FYB2: variants seen among roughly 807,000 people sequenced by gnomAD.
The protein encoded by FYB2 is FYN binding protein 2.
FYB2 carries 103 observed loss-of-function variants against 94.1 expected under a neutral mutation model. The observed-to-expected ratio is 1.09, with a 90% confidence interval of 0.93 to 1.29. The LOEUF is 1.29. Ranked by LOEUF, FYB2 falls within the 50% of genes most tolerant of loss-of-function variation. The pLI, the probability that FYB2 is intolerant of heterozygous loss-of-function variation, is 0.00. For synonymous variants in FYB2, 293 were observed against 287.9 expected (o/e 1.02, Z -0.18); for missense variants, 896 against 841.5 (o/e 1.06, Z -0.80).
At chr1:56,789,652 C>A (rs1646216284) in intron 2 of FYB2, among the ~76,000 whole-genome samples, 1 of 152,182 alleles carries the variant, frequency 6.6e-6, no homozygotes, top group East Asian at 1.9e-4. Context: ...AGGCCAGAAT[C>A]AACCTCTGAT....
Position 56,726,690 on chromosome 1 carries a change from T to C in FYB2, c.1794-107A>G, listed in dbSNP as rs116490522. 262 of 870,632 alleles carry C rather than the reference T, an allele frequency of 3.0e-4. No homozygotes were observed. The African/African-American group carries it at 4.4e-3, about 14-fold the overall frequency. The allele number at this position is 870,632 out of a possible 1,614,324, so 53.9% of individuals were successfully genotyped here. A position where few individuals can be genotyped will look rare whatever the true frequency, so the allele number is the denominator to read the frequency against. On this transcript the variant is annotated intron_variant, in intron 15 of 19. Coordinates refer to ENST00000343433, the MANE Select transcript of FYB2 (RefSeq NM_001004303.5). ...TGTTTTACAAAAAATTAAAAAGTCA[T>C]CTAGAAATATATTTTGATAATCCAT... is the stretch of plus-strand genomic sequence containing the variant.
At chr1:56,747,726 T>C (rs950896322) in intron 9 of FYB2, among the ~76,000 whole-genome samples, 7 of 152,164 alleles carry the variant, frequency 4.6e-5, no homozygotes, top group Non-Finnish European at 7.3e-5. Context: ...GCATGTATCT[T>C]TATAGTAGAA....
chr1:56,792,037 TGG>T lies in FYB2; in HGVS notation c.757+17_757+18del, dbSNP rs773653174. 2.6e-6 allele frequency: 4 copies of T among 1,551,424 alleles called. No homozygotes were observed. Among genetic ancestry groups the T allele is most frequent in the Middle Eastern group, 4.2e-4 (2 of 4,780 alleles). ...TGACACCTCCCTAGCCCCTGTCCCA[TGG>T]GGATCACGTTTGTTACCTGGGGCCT... On this transcript the variant is annotated intron_variant, in intron 2 of 19. Coordinates refer to ENST00000343433, the MANE Select transcript of FYB2 (RefSeq NM_001004303.5).
chr1:56,771,237 A>G (rs1178259699), intron 4 of FYB2, among the ~76,000 whole-genome samples: 5 of 152,184 alleles, frequency 3.3e-5, no homozygotes, highest in Non-Finnish European at 5.9e-5. Context: ...TAGCGAGAAA[A>G]TGCATAAACA....
chr1:56,824,342 C>T (rs896059677), upstream of FYB2: 1 of 152,208 alleles, frequency 6.6e-6, no homozygotes, highest in African/African-American at 2.4e-5. Flanking sequence ...CTCCAGAGAA[C>T]AGAAGGGCTC....
intron 6 of FYB2, among the ~76,000 whole-genome samples, chr1:56,757,358 A>G (rs915725737): frequency 1.3e-5 from 2 of 152,044 alleles, no homozygotes; most frequent in African/African-American, 4.8e-5. Context: ...GCATAAGAGA[A>G]CCAAAACAGA....
At chr1:56,746,263 T>C (rs1324435552) in intron 9 of FYB2, among the ~76,000 whole-genome samples, 1 of 152,180 alleles carries the variant, frequency 6.6e-6, no homozygotes, top group South Asian at 2.1e-4. Context: ...GAATTTCGAA[T>C]GATTTGAATG....
chr1:56,778,356 T>C (rs1406264015), intron 4 of FYB2, among the ~76,000 whole-genome samples: 1 of 152,246 alleles, frequency 6.6e-6, no homozygotes, highest in Non-Finnish European at 1.5e-5. Context: ...TTTAATTTTC[T>C]CTCTCTTGCT....
chr1:56,814,268 A>T (rs1025944123), intron 1 of FYB2, among the ~76,000 whole-genome samples: 1 of 152,212 alleles, frequency 6.6e-6, no homozygotes, highest in African/African-American at 2.4e-5. Context: ...TTTATCATCC[A>T]GGCCACAGAG....
In FYB2 at chr1:56,718,947, A is replaced by C. The variant is rs921073944; in HGVS notation, c.*724T>G. 6.6e-6 allele frequency: 1 copy of C among 152,636 alleles called. No individual in the cohort carries two copies. Among genetic ancestry groups the C allele is most frequent in the Non-Finnish European group, 1.5e-5 (1 of 68,022 alleles). 9.5% of individuals were successfully genotyped at this position (152,636 alleles called of 1,614,324 possible). A position where few individuals can be genotyped will look rare whatever the true frequency, so the allele number is the denominator to read the frequency against. Reference sequence around the variant, plus strand: ...CTATTATTTGAATAGTTATTTGGGCATAGACAAAATAATGACAATTGTTCT... The same window carrying C: ...CTATTATTTGAATAGTTATTTGGGCCTAGACAAAATAATGACAATTGTTCT... On this transcript the variant is annotated 3_prime_UTR_variant, in exon 20 of 20. Transcript: ENST00000343433.
intron 4 of FYB2, among the ~76,000 whole-genome samples, chr1:56,770,584 G>A (rs992063593): frequency 1.3e-5 from 2 of 151,988 alleles, no homozygotes; most frequent in Non-Finnish European, 2.9e-5. Context: ...AATTTATTCC[G>A]AGACCTCAAG....
At chr1:56,727,029 C>T (rs191387750) in intron 15 of FYB2, among the ~76,000 whole-genome samples, 16 of 151,846 alleles carry the variant, frequency 1.1e-4, no homozygotes, top group African/African-American at 3.4e-4. Flanking sequence ...TAGCATGTAA[C>T]ATTAGTGATT....
chr1:56,787,888 A>T (rs1359866233), intron 3 of FYB2, among the ~76,000 whole-genome samples: 1 of 152,214 alleles, frequency 6.6e-6, no homozygotes, highest in East Asian at 1.9e-4. Context: ...TAAAAATCAC[A>T]CTTATCCTTC....
In FYB2 at chr1:56,751,136, A is replaced by T; in HGVS notation, c.1295T>A (p.Met432Lys). Residue 432 changes from methionine (M) to lysine (K), a missense_variant, in exon 9 of 20, where the codon ATG (methionine) becomes AAG (lysine). Coordinates refer to ENST00000343433, the MANE Select transcript of FYB2 (RefSeq NM_001004303.5). ...MTNVHTGRRNMLAGKQEAMID... is the reference protein window; with the variant it reads ...MTNVHTGRRNKLAGKQEAMID... ...CATGGCCTCTTGCTTTCCAGCCAAC[A>T]TGTTCCTTCTACCTGTGTGGACGTT... 6.2e-7 allele frequency: 1 copy of T among 1,612,780 alleles called. No individual in the cohort carries two copies. Among genetic ancestry groups the T allele is most frequent in the Non-Finnish European group, 8.5e-7 (1 of 1,179,222 alleles).
Position 56,815,608 on chromosome 1 carries a change from G to A in FYB2, c.9+3674C>T, listed in dbSNP as rs142445334. Among the ~76,000 whole-genome samples the A allele has an allele frequency of 6.1e-3, 931 of 152,252 alleles. 6 individuals are homozygous for A. The highest frequency in any genetic ancestry group is 0.01 in the Middle Eastern group (3 of 294). On this transcript the variant is annotated intron_variant, in intron 1 of 19. Coordinates refer to ENST00000343433, the MANE Select transcript of FYB2 (RefSeq NM_001004303.5). Reference sequence around the variant, plus strand: ...GTAAATGGGGCACACTGGATAAGTCGTTATGAAGTGTGTTGGCATTTTCTG... The same window carrying A: ...GTAAATGGGGCACACTGGATAAGTCATTATGAAGTGTGTTGGCATTTTCTG...
rs148073470 is a variant in FYB2 at position 56,817,103 on chromosome 1, G to A, written c.9+2179C>T. ...CCTTTTAAAATGTAAGCTGGATTGC[G>A]TCATTGCCTGGTCCACAATGCCCAG... On this transcript the variant is annotated intron_variant, in intron 1 of 19. Coordinates refer to ENST00000343433, the MANE Select transcript of FYB2 (RefSeq NM_001004303.5). 6.8e-3 allele frequency among the ~76,000 whole-genome samples: 1,030 copies of A among 152,248 alleles called. 8 individuals carry two copies. The highest frequency in any genetic ancestry group is 0.023 in the African/African-American group (970 of 41,534).
chr1:56,746,705 G>A (rs567307181), intron 9 of FYB2, among the ~76,000 whole-genome samples: 32 of 151,924 alleles, frequency 2.1e-4, no homozygotes, highest in Middle Eastern at 3.4e-3. Context: ...CTTTTTATGG[G>A]CATCTGGACA....
chr1:56,821,758 A>C (rs1232813935), upstream of FYB2, among the ~76,000 whole-genome samples: 1 of 152,094 alleles, frequency 6.6e-6, no homozygotes, highest in Non-Finnish European at 1.5e-5. Flanking sequence ...TAATAATCCC[A>C]GTTTTCTCAT....
intron 4 of FYB2, among the ~76,000 whole-genome samples, chr1:56,780,439 T>A (rs778471861): frequency 1.3e-5 from 2 of 152,182 alleles, no homozygotes; most frequent in Admixed American, 6.5e-5. Context: ...CCCTCTTTTG[T>A]TGTAGGTAAA....
Sources: allele counts gnomAD v4.1 joint callset (sites outside exome capture counted in the v4.1 genomes callset), GRCh38; gene constraint gnomAD v4.1.1; transcripts MANE v1.5; gene names NCBI Gene and HGNC (gene_info 2026-07-23, HGNC 2026-07-21).